OR2I1: variants seen among roughly 807,000 people sequenced by gnomAD.
The protein encoded by OR2I1 is putative olfactory receptor 2I1.
At chr6:29,555,729 A>G in the OR2I1 span, 1 of 617,168 alleles carries the variant, frequency 1.6e-6, no homozygotes, top group Non-Finnish European at 2.8e-6. Flanking sequence ...GAGTTGGGCA[A>G]TATACTTCAT....
At chr6:29,552,853 A>C in the OR2I1 span, 1 of 173,204 alleles carries the variant, frequency 5.8e-6, no homozygotes. Context: ...CATGCTTGCA[A>C]ATCAAGCAAG....
At chr6:29,552,867 A>C in the OR2I1 span, 2 of 183,510 alleles carry the variant, frequency 1.1e-5, no homozygotes. Flanking sequence ...AAGCAAGGTT[A>C]AGGTCACTTA....
chr6:29,551,670 A>G, the OR2I1 span, among the ~76,000 whole-genome samples: 2 of 152,366 alleles, frequency 1.3e-5, no homozygotes, highest in African/African-American at 4.8e-5. Flanking sequence ...AACAACTGCT[A>G]TGTGCCAGGC....
the OR2I1 span, chr6:29,554,009 A>G: frequency 2.5e-6 from 1 of 398,888 alleles, no homozygotes; most frequent in Non-Finnish European, 4.4e-6. Context: ...CAGCCCGCGC[A>G]GCGCTACAAC....
chr6:29,556,279 G>T, the OR2I1 span: 1 of 1,612,916 alleles, frequency 6.2e-7, no homozygotes, highest in Non-Finnish European at 8.5e-7. Context: ...CATGTTCTTT[G>T]ATTTTTTTCA....
chr6:29,556,263 A>C, the OR2I1 span: 1 of 1,613,088 alleles, frequency 6.2e-7, no homozygotes, highest in Non-Finnish European at 8.5e-7. Flanking sequence ...TTGGTCTTAG[A>C]CCGGACATGT....
At chr6:29,554,385 A>G in the OR2I1 span, 1 of 378,876 alleles carries the variant, frequency 2.6e-6, no homozygotes, top group Non-Finnish European at 4.7e-6. Context: ...GGGAAGGAAA[A>G]CCTACCCCTC....
At chr6:29,553,093 C>T in the OR2I1 span, 1 of 397,632 alleles carries the variant, frequency 2.5e-6, no homozygotes, top group Non-Finnish European at 4.4e-6. Flanking sequence ...AATCCACAAA[C>T]TGACCTTGTA....
At chr6:29,555,883 C>T in the OR2I1 span, 1 of 1,612,386 alleles carries the variant, frequency 6.2e-7, no homozygotes, top group Non-Finnish European at 8.5e-7. Context: ...AGGGTGGTCA[C>T]CCTCCAATAC....
chr6:29,555,822 TA>T, the OR2I1 span: 1 of 1,363,016 alleles, frequency 7.3e-7, no homozygotes. Context: ...GTTCGTTGAG[TA>T]AGAGATTAAA....
chr6:29,557,653 T>C, the OR2I1 span: 1 of 152,354 alleles, frequency 6.6e-6, no homozygotes, highest in South Asian at 2.1e-4. Context: ...CTGTGTCACC[T>C]TTCCTCCTGC....
At chr6:29,557,564 A>AC in the OR2I1 span, 1 of 152,046 alleles carries the variant, frequency 6.6e-6, no homozygotes, top group South Asian at 2.1e-4. Context: ...ATGCATTAGG[A>AC]CCCCCTCCAT....
At chr6:29,553,690 C>T in the OR2I1 span, 6 of 398,448 alleles carry the variant, frequency 1.5e-5, no homozygotes, top group Admixed American at 2.6e-4. Flanking sequence ...CTCGGTTGCG[C>T]AAACCGCGCT....
At chr6:29,555,870 C>T in the OR2I1 span, 4 of 1,608,846 alleles carry the variant, frequency 2.5e-6, no homozygotes, top group Non-Finnish European at 3.4e-6. Flanking sequence ...ACACCCCATG[C>T]CCAGGGTGGT....
chr6:29,554,081 T>C, the OR2I1 span: 1 of 394,200 alleles, frequency 2.5e-6, no homozygotes, highest in Non-Finnish European at 4.5e-6. Flanking sequence ...CTCAACCCGC[T>C]CATCTACACC....
chr6:29,556,575 A>T, the OR2I1 span: 1 of 518,330 alleles, frequency 1.9e-6, no homozygotes, highest in East Asian at 3.0e-5. Flanking sequence ...CTTTTTTTCG[A>T]TCTTGAGAAT....
the OR2I1 span, chr6:29,555,686 CTTAA>C: frequency 1.6e-5 from 9 of 573,896 alleles, no homozygotes; most frequent in African/African-American, 3.7e-5. Context: ...AATCATGTCA[CTTAA>C]TTAATTGTGT....
At chr6:29,551,845 T>C in the OR2I1 span, among the ~76,000 whole-genome samples, 1 of 152,214 alleles carries the variant, frequency 6.6e-6, no homozygotes, top group African/African-American at 2.4e-5. Flanking sequence ...GCCCTGGTTC[T>C]TAATTATGAC....
the OR2I1 span, chr6:29,556,038 G>A: frequency 6.2e-7 from 1 of 1,613,040 alleles, no homozygotes; most frequent in Non-Finnish European, 8.5e-7. Context: ...GCTTTCACTT[G>A]TGCCACTGAG....
Sources: allele counts gnomAD v4.1 joint callset (sites outside exome capture counted in the v4.1 genomes callset), GRCh38; gene constraint gnomAD v4.1.1; transcripts MANE v1.5; gene names NCBI Gene and HGNC (gene_info 2026-07-23, HGNC 2026-07-21).